NRXN1: variants seen among roughly 807,000 people sequenced by gnomAD.
NRXN1 encodes neurexin-1.
In NRXN1, 39 loss-of-function variants were observed where a neutral mutation model predicts 150.9. The observed-to-expected ratio is 0.26, with a 90% confidence interval of 0.20 to 0.34. The LOEUF (loss-of-function observed/expected upper bound fraction) is 0.34, where lower values mean the gene tolerates loss of function less well. Ranked by LOEUF, NRXN1 falls within the 10% of genes least tolerant of loss-of-function variation. The pLI, the probability that NRXN1 is intolerant of heterozygous loss-of-function variation, is 1.00. For synonymous variants in NRXN1, 924 were observed against 757.0 expected (o/e 1.22, Z -3.62); for missense variants, 1,815 against 1,949.9 (o/e 0.93, Z 1.30).
chr2:50,452,671 T>C (rs1162449275), intron 17 of NRXN1, among the ~76,000 whole-genome samples: 1 of 152,192 alleles, frequency 6.6e-6, no homozygotes, highest in Non-Finnish European at 1.5e-5. Flanking sequence ...ATGGGGAATG[T>C]TTTAGGCAAC....
intron 19 of NRXN1, among the ~76,000 whole-genome samples, chr2:50,068,719 G>C (rs972150905): frequency 6.6e-6 from 1 of 152,122 alleles, no homozygotes; most frequent in Non-Finnish European, 1.5e-5. Context: ...TTATTCTCTA[G>C]TATGATGTGC....
chr2:50,813,354 T>C (rs1180752330), intron 5 of NRXN1, among the ~76,000 whole-genome samples: 1 of 152,206 alleles, frequency 6.6e-6, no homozygotes, highest in Non-Finnish European at 1.5e-5. Flanking sequence ...TCTTTATCTT[T>C]ACTTTTGCAC....
At position 50,736,434 on chromosome 2, in the gene NRXN1, T is replaced by C. The variant is rs986271714; in HGVS notation, c.833-112819A>G. Among the ~76,000 whole-genome samples, 64 of 152,294 alleles carry C rather than the reference T, an allele frequency of 4.2e-4. 1 individual carries two copies. The highest frequency in any genetic ancestry group is 3.9e-3 in the Admixed American group (59 of 15,300). On this transcript the variant is annotated intron_variant, in intron 5 of 22. Coordinates refer to ENST00000401669, the MANE Select transcript of NRXN1 (RefSeq NM_001330078.2). ...TGTGGAACGCCCTAGTGAGTGTCTT[T>C]ACGCTTCACAAGGATAGTGATATGG... is the stretch of plus-strand genomic sequence containing the variant.
chr2:49,999,845 T>C (rs1683613800), intron 21 of NRXN1, among the ~76,000 whole-genome samples: 1 of 152,180 alleles, frequency 6.6e-6, no homozygotes, highest in African/African-American at 2.4e-5. Context: ...CACTAAAATG[T>C]AATGACTAAC....
intron 5 of NRXN1, among the ~76,000 whole-genome samples, chr2:50,824,057 TAG>T (rs1302319419): frequency 6.6e-6 from 1 of 152,106 alleles, no homozygotes; most frequent in East Asian, 1.9e-4. Context: ...AATCTGATTA[TAG>T]AGCAGGATTT....
At chr2:50,240,682 C>G (rs530296521) in intron 17 of NRXN1, among the ~76,000 whole-genome samples, 2 of 151,772 alleles carry the variant, frequency 1.3e-5, no homozygotes, top group East Asian at 3.9e-4. Flanking sequence ...CCAACTGTGT[C>G]ATTTACTAGC....
intron 17 of NRXN1, among the ~76,000 whole-genome samples, chr2:50,438,255 T>A (rs1490736712): frequency 6.6e-6 from 1 of 152,096 alleles, no homozygotes; most frequent in Non-Finnish European, 1.5e-5. Flanking sequence ...GAACCCTGAG[T>A]TTTTGTGTTT....
At chr2:50,460,495 T>C (rs1349011627) in intron 17 of NRXN1, among the ~76,000 whole-genome samples, 3 of 152,102 alleles carry the variant, frequency 2.0e-5, no homozygotes, top group East Asian at 3.9e-4. Context: ...TTTTCTCATA[T>C]AGATACAGAC....
intron 19 of NRXN1, among the ~76,000 whole-genome samples, chr2:50,056,214 TA>T (rs368130741): frequency 3.0e-3 from 458 of 152,280 alleles, no homozygotes; most frequent in African/African-American, 0.01. Context: ...TTAGAGAAGA[TA>T]AATGAATAGA....
chr2:49,992,998 G>C (rs1395215097), intron 21 of NRXN1, among the ~76,000 whole-genome samples: 1 of 152,202 alleles, frequency 6.6e-6, no homozygotes, highest in Admixed American at 6.5e-5. Flanking sequence ...AAGAGAGTTT[G>C]GCAGTTTCTA....
intron 5 of NRXN1, among the ~76,000 whole-genome samples, chr2:50,877,873 G>A (rs1678844793): frequency 6.6e-6 from 1 of 151,874 alleles, no homozygotes; most frequent in South Asian, 2.1e-4. Flanking sequence ...TCTTTTCCTT[G>A]GCATCAACTC....
intron 17 of NRXN1, among the ~76,000 whole-genome samples, chr2:50,383,030 T>C (rs1358664869): frequency 6.6e-6 from 1 of 152,190 alleles, no homozygotes; most frequent in Admixed American, 6.6e-5. Context: ...TCATCATATA[T>C]GTTCTTGGTC....
At chr2:50,221,447 C>T (rs538954756) in intron 18 of NRXN1, among the ~76,000 whole-genome samples, 11 of 152,096 alleles carry the variant, frequency 7.2e-5, no homozygotes, top group Non-Finnish European at 1.5e-4. Flanking sequence ...TACAGCTACA[C>T]ATTTTAATTT....
chr2:50,282,276 G>C (rs2071562845), intron 17 of NRXN1, among the ~76,000 whole-genome samples: 1 of 152,140 alleles, frequency 6.6e-6, no homozygotes, highest in Non-Finnish European at 1.5e-5. Flanking sequence ...AAGCCAAGGA[G>C]AGATGTAGTT....
chr2:50,969,733 T>C (rs1289380266), intron 2 of NRXN1, among the ~76,000 whole-genome samples: 1 of 152,180 alleles, frequency 6.6e-6, no homozygotes, highest in Non-Finnish European at 1.5e-5. Flanking sequence ...AGATCAAAGC[T>C]TTGGTTTTAG....
intron 5 of NRXN1, among the ~76,000 whole-genome samples, chr2:50,819,811 C>G (rs1421598050): frequency 6.6e-6 from 1 of 151,974 alleles, no homozygotes; most frequent in Non-Finnish European, 1.5e-5. Flanking sequence ...CTTGGTTGTT[C>G]ATTCAACCAC....
chr2:50,205,029 C>T (rs1486762642), intron 18 of NRXN1, among the ~76,000 whole-genome samples: 1 of 151,952 alleles, frequency 6.6e-6, no homozygotes, highest in Non-Finnish European at 1.5e-5. Flanking sequence ...AATATCAGTA[C>T]TATAAATACA....
At chr2:50,099,065 G>A (rs945095516) in intron 18 of NRXN1, among the ~76,000 whole-genome samples, 10 of 151,860 alleles carry the variant, frequency 6.6e-5, no homozygotes, top group Non-Finnish European at 1.0e-4. Flanking sequence ...CATCCTACAG[G>A]ATGCTGTAGC....
chr2:50,384,142 C>T (rs901734081), intron 17 of NRXN1, among the ~76,000 whole-genome samples: 1 of 152,092 alleles, frequency 6.6e-6, no homozygotes, highest in African/African-American at 2.4e-5. Flanking sequence ...TGACATCAAG[C>T]TTAAAAAAGA....
Sources: gnomAD v4.1 joint callset for allele counts (sites outside exome capture counted in the v4.1 genomes callset) on GRCh38, gnomAD v4.1.1 for gene constraint, MANE v1.5 for transcripts, NCBI Gene and HGNC (gene_info 2026-07-23, HGNC 2026-07-21) for gene names.